The following GPC6 variants were observed in gnomAD, a reference collection of about 807,000 sequenced individuals.
GPC6 encodes glypican-6.
A neutral mutation model predicts 55.2 loss-of-function variants in GPC6; 14 were observed. That is an observed-to-expected ratio of 0.25 (90% CI 0.17 to 0.40). GPC6 has a LOEUF of 0.40. Ranked by LOEUF, GPC6 falls within the 10% of genes least tolerant of loss-of-function variation. The probability of loss-of-function intolerance (pLI) is 1.00; values close to 1 mark genes in which losing one functional copy is unlikely to be tolerated. For missense variants in GPC6, 641 were observed against 708.5 expected (o/e 0.90, Z 1.08); for synonymous variants, 278 against 259.6 (o/e 1.07, Z -0.68).
At chr13:93,683,453 T>C (rs1594369379) in intron 2 of GPC6, among the ~76,000 whole-genome samples, 1 of 152,284 alleles carries the variant, frequency 6.6e-6, no homozygotes, top group African/African-American at 2.4e-5. Context: ...TATTTAATAA[T>C]TATTTTTAAT....
chr13:93,900,849 A>G (rs1299180570), intron 3 of GPC6, among the ~76,000 whole-genome samples: 2 of 152,200 alleles, frequency 1.3e-5, no homozygotes, highest in African/African-American at 4.8e-5. Flanking sequence ...GATTGCAGTT[A>G]GCAAAGCATC....
At chr13:93,944,426 G>T (rs1011957965) in intron 3 of GPC6, among the ~76,000 whole-genome samples, 1 of 151,934 alleles carries the variant, frequency 6.6e-6, no homozygotes, top group African/African-American at 2.4e-5. Context: ...GGATGGTCTC[G>T]ATCTCCTGAC....
chr13:93,359,331 C>T (rs1366080066), intron 1 of GPC6, among the ~76,000 whole-genome samples: 1 of 152,082 alleles, frequency 6.6e-6, no homozygotes, highest in East Asian at 1.9e-4. Flanking sequence ...CATCACATTG[C>T]ATTACCTTTA....
chr13:93,335,770 T>C (rs1880023845), intron 1 of GPC6, among the ~76,000 whole-genome samples: 1 of 152,178 alleles, frequency 6.6e-6, no homozygotes, highest in African/African-American at 2.4e-5. Context: ...TTTCTGACCT[T>C]TGCCTTTGAA....
intron 2 of GPC6, among the ~76,000 whole-genome samples, chr13:93,748,563 C>T (rs1343213719): frequency 1.3e-5 from 2 of 151,838 alleles, no homozygotes; most frequent in African/African-American, 2.4e-5. Flanking sequence ...GGAATTTTGC[C>T]GTTTATGGCT....
intron 3 of GPC6, among the ~76,000 whole-genome samples, chr13:93,833,104 T>TGAGA (rs1555334989): frequency 3.2e-5 from 2 of 61,604 alleles, no homozygotes; most frequent in East Asian, 5.2e-4. Context: ...GATAGGTAGA[T>TGAGA]GATAGAGAGA....
At chr13:94,223,433 A>G (rs893159480) in intron 4 of GPC6, among the ~76,000 whole-genome samples, 1 of 152,172 alleles carries the variant, frequency 6.6e-6, no homozygotes, top group Non-Finnish European at 1.5e-5. Context: ...CATTGTGCTC[A>G]TTTTACAGGA....
At chr13:93,697,943 C>T (rs1386940524) in intron 2 of GPC6, among the ~76,000 whole-genome samples, 1 of 152,156 alleles carries the variant, frequency 6.6e-6, no homozygotes, top group African/African-American at 2.4e-5. Context: ...CTTCCAACTG[C>T]ATTTCATTTA....
At chr13:94,343,363 G>A (rs978717147) in intron 6 of GPC6, among the ~76,000 whole-genome samples, 2 of 152,096 alleles carry the variant, frequency 1.3e-5, no homozygotes, top group African/African-American at 2.4e-5. Context: ...CTTTGCCTCC[G>A]CACAAAAGCA....
At chr13:93,936,638 A>G (rs977459003) in intron 3 of GPC6, among the ~76,000 whole-genome samples, 5 of 152,144 alleles carry the variant, frequency 3.3e-5, no homozygotes, top group African/African-American at 9.7e-5. Context: ...GAGTTACCTG[A>G]GAAACATTTC....
intron 2 of GPC6, among the ~76,000 whole-genome samples, chr13:93,647,125 T>C (rs1447671278): frequency 6.6e-6 from 1 of 152,148 alleles, no homozygotes; most frequent in Non-Finnish European, 1.5e-5. Context: ...AAATACCATG[T>C]GTGAGAGCTT....
chr13:93,400,395 A>T (rs893628585), intron 1 of GPC6, among the ~76,000 whole-genome samples: 1 of 150,806 alleles, frequency 6.6e-6, no homozygotes, highest in Non-Finnish European at 1.5e-5. Context: ...TCCATTGGGG[A>T]TACTAAGGAT....
In GPC6 at chr13:93,898,928, ATAT is replaced by A. The variant is rs1324403714; in HGVS notation, c.711+68387_711+68389del. ...CACAGCAGATTTGGGATATATAAAAATATTATATATAAATATATATATATATAT... is the reference window on the plus strand; with the variant it reads ...CACAGCAGATTTGGGATATATAAAAATATATATAAATATATATATATATAT... On this transcript the variant is annotated intron_variant, in intron 3 of 8. Transcript: ENST00000377047. Among the ~76,000 whole-genome samples, 59 of 125,076 alleles carry A rather than the reference ATAT, an allele frequency of 4.7e-4. 2 individuals are homozygous for A. The highest frequency in any genetic ancestry group is 1.0e-3 in the South Asian group (4 of 3,948). The allele number at this position is 125,076 out of a possible 152,430, so 82.1% of individuals were successfully genotyped here.
intron 2 of GPC6, among the ~76,000 whole-genome samples, chr13:93,635,427 C>G (rs1007355103): frequency 2.0e-5 from 3 of 151,940 alleles, no homozygotes; most frequent in Non-Finnish European, 4.4e-5. Context: ...GGAAGAAATT[C>G]CTATTTAGAG....
At chr13:93,472,008 T>G (rs994639709) in intron 1 of GPC6, among the ~76,000 whole-genome samples, 3 of 152,216 alleles carry the variant, frequency 2.0e-5, no homozygotes, top group Admixed American at 6.5e-5. Flanking sequence ...GCTTTGTCTA[T>G]TTCTATTTTC....
intron 1 of GPC6, among the ~76,000 whole-genome samples, chr13:93,319,263 G>C (rs1374297259): frequency 6.6e-6 from 1 of 152,064 alleles, no homozygotes; most frequent in Non-Finnish European, 1.5e-5. Context: ...TTCCTAGGCT[G>C]TTTATTTTCT....
intron 1 of GPC6, among the ~76,000 whole-genome samples, chr13:93,499,167 A>G (rs1024419704): frequency 6.6e-6 from 1 of 152,052 alleles, no homozygotes; most frequent in African/African-American, 2.4e-5. Flanking sequence ...CACAGTTTAC[A>G]GTAAAGTCTA....
chr13:94,105,502 C>G (rs1036922005), intron 4 of GPC6, among the ~76,000 whole-genome samples: 3 of 152,018 alleles, frequency 2.0e-5, no homozygotes, highest in African/African-American at 7.3e-5. Flanking sequence ...TTAAGGTGGA[C>G]CTTAGGAGAG....
chr13:93,366,862 G>C (rs931076301), intron 1 of GPC6, among the ~76,000 whole-genome samples: 2 of 152,070 alleles, frequency 1.3e-5, no homozygotes, highest in African/African-American at 2.4e-5. Flanking sequence ...AATCAGGTAA[G>C]TCAAGCATTT....
Sources: allele counts gnomAD v4.1 joint callset (sites outside exome capture counted in the v4.1 genomes callset), GRCh38; gene constraint gnomAD v4.1.1; transcripts MANE v1.5; gene names NCBI Gene and HGNC (gene_info 2026-07-23, HGNC 2026-07-21).